The following ZNF578 variants were observed in gnomAD, a reference collection of about 807,000 sequenced individuals.
The protein encoded by ZNF578 is Putative chemokine-related protein B42.
In ZNF578, 8 loss-of-function variants were observed where a neutral mutation model predicts 8.3. The observed-to-expected ratio is 0.96, with a 90% CI of 0.56 to 1.74. ZNF578 has a LOEUF of 1.74. Among genes scored for constraint, ZNF578 ranks in the 40% most tolerant of loss-of-function variants. ZNF578 has a pLI of 0.00. For missense variants in ZNF578, 726 were observed against 707.5 expected, an observed-to-expected ratio of 1.03 and a Z score of -0.30; for synonymous variants, 206 against 232.2, an observed-to-expected ratio of 0.89 and a Z score of 1.03.
At chr19:52,462,090 A>G (rs4802953) in intron 2 of ZNF578, among the ~76,000 whole-genome samples, 137,084 of 152,208 alleles carry the variant, frequency 0.9, 62,280 homozygotes, top group Non-Finnish European at 0.96. Flanking sequence ...GTAGCACACC[A>G]TGATCAGCAA....
chr19:52,492,307 C>T (rs1056286018), intron 3 of ZNF578, among the ~76,000 whole-genome samples: 3 of 152,112 alleles, frequency 2.0e-5, no homozygotes, highest in Non-Finnish European at 4.4e-5. Context: ...TAGCTGGGAC[C>T]TCAGGCTTCC....
intron 2 of ZNF578, among the ~76,000 whole-genome samples, chr19:52,491,077 C>T (rs2059363502): frequency 6.6e-6 from 1 of 152,106 alleles, no homozygotes; most frequent in African/African-American, 2.4e-5. Context: ...TTTAGGCTTA[C>T]ACATGTTTGT....
Position 52,511,125 on chromosome 19 carries a change from A to G in ZNF578, c.744A>G (p.Lys248=), listed in dbSNP as rs765034960. ...EAFNCSSFVR[K]HQIIHLGEKQ... is the part of the protein sequence containing the mutation. ...TTAATTGTAGCTCATTTGTAAGGAA[A>G]CATCAGATAATCCATTTAGGAGAAA... Residue 248 remains lysine (K), a synonymous_variant, in exon 6 of 6, where the codon AAA becomes AAG. Coordinates refer to ENST00000421239, the MANE Select transcript of ZNF578 (RefSeq NM_001099694.2). The G allele has an allele frequency of 4.3e-6, 7 of 1,614,112 alleles. No individual in the cohort carries two copies. The highest frequency in any genetic ancestry group is 5.9e-6 in the Non-Finnish European group (7 of 1,179,936).
chr19:52,487,682 G>C (rs967931449), intron 2 of ZNF578, among the ~76,000 whole-genome samples: 9 of 152,122 alleles, frequency 5.9e-5, no homozygotes, highest in Admixed American at 5.9e-4. Flanking sequence ...CCAGGCTGGA[G>C]TGCAGTGCGT....
chr19:52,491,577 T>C (rs547127968), intron 3 of ZNF578, among the ~76,000 whole-genome samples, 152 bp downstream of exon 3: 1 of 152,288 alleles, frequency 6.6e-6, no homozygotes, highest in Non-Finnish European at 1.5e-5. Context: ...TAGCTGGGCA[T>C]GGTCGTGTGC....
Position 52,513,384 on chromosome 19 carries a change from T to G in ZNF578, c.*1230T>G, listed in dbSNP as rs1355626004. ...TTTGAGATAGTACTTTTTAAAGAGA[T>G]AGTACTTTTTTGAGATAGTACTTTT... is the stretch of plus-strand genomic sequence containing the variant. On this transcript the variant is annotated 3_prime_UTR_variant, in exon 6 of 6. Coordinates refer to ENST00000421239, the MANE Select transcript of ZNF578 (RefSeq NM_001099694.2). Among the ~76,000 whole-genome samples, 1 of 141,600 alleles carries G rather than the reference T, an allele frequency of 7.1e-6. No individual in the cohort carries two copies. The highest frequency in any genetic ancestry group is 7.6e-5 in the Admixed American group (1 of 13,228). 92.9% of individuals were successfully genotyped at this position (141,600 alleles called of 152,430 possible).
Position 52,458,472 on chromosome 19 carries a change from A to C in ZNF578, c.-122+1514A>C, listed in dbSNP as rs182253592. 3.3e-4 allele frequency: 48 copies of C among 144,302 alleles called. 1 individual carries two copies. The highest frequency in any genetic ancestry group is 1.1e-3 in the African/African-American group (43 of 37,846). The allele number at this position is 144,302 out of a possible 1,614,324, so 8.9% of individuals were successfully genotyped here. On this transcript the variant is annotated intron_variant, in intron 2 of 5. Coordinates refer to ENST00000421239, the MANE Select transcript of ZNF578 (RefSeq NM_001099694.2). ...AACAACAACTTGCTACTATGTTTATATATATATATATTTTGAAAATCTGGG... is the reference window on the plus strand; with the variant it reads ...AACAACAACTTGCTACTATGTTTATCTATATATATATTTTGAAAATCTGGG...
At chr19:52,459,711 A>ATGTGTGTG (rs1331070098) in intron 2 of ZNF578, among the ~76,000 whole-genome samples, 6 of 5,928 alleles carry the variant, frequency 1.0e-3, no homozygotes, top group African/African-American at 4.1e-3. Flanking sequence ...GTATATGTAG[A>ATGTGTGTG]TATGTGTGTG....
intron 2 of ZNF578, among the ~76,000 whole-genome samples, chr19:52,463,984 T>G (rs2059266626): frequency 6.6e-6 from 1 of 152,246 alleles, no homozygotes; most frequent in African/African-American, 2.4e-5. Context: ...TAAATTAACT[T>G]GCCATGTAAC....
rs1187406537 is a variant in ZNF578 at position 52,515,432 on chromosome 19, A to C, written c.*3278A>C. Among the ~76,000 whole-genome samples the C allele has an allele frequency of 6.6e-6, 1 of 152,186 alleles. No individual in the cohort carries two copies. The highest frequency in any genetic ancestry group is 1.5e-5 in the Non-Finnish European group (1 of 68,042). On this transcript the variant is annotated 3_prime_UTR_variant, in exon 6 of 6. Transcript: ENST00000421239. ...AACTGTCAGGAATCAATGTCATCAG[A>C]ACCTTGCAAAAGAAGTTTCTTTAGC...
In ZNF578 at chr19:52,508,832, G is replaced by A. The variant is rs185940865; in HGVS notation, c.191-1740G>A. ...AAAAGAAATCTGATAATCGCTTTTA[G>A]CCAGTACGAACATAACTGTAGTTGT... On this transcript the variant is annotated intron_variant, in intron 5 of 5. Transcript: ENST00000421239. Among the ~76,000 whole-genome samples the A allele has an allele frequency of 2.9e-3, 431 of 147,178 alleles. 3 individuals are homozygous for A. Among genetic ancestry groups the A allele is most frequent in the African/African-American group, 8.8e-3 (356 of 40,260 alleles).
intron 2 of ZNF578, among the ~76,000 whole-genome samples, chr19:52,488,779 G>A (rs1224189960): frequency 3.3e-5 from 5 of 150,438 alleles, no homozygotes; most frequent in Non-Finnish European, 5.9e-5. Flanking sequence ...TTTAGACGCC[G>A]TCTGAAAAAA....
intron 5 of ZNF578, among the ~76,000 whole-genome samples, chr19:52,505,476 C>G (rs1167708377): frequency 1.3e-5 from 2 of 152,132 alleles, no homozygotes; most frequent in Admixed American, 1.3e-4. Context: ...AGGCCGACTG[C>G]AGTGGCACGA....
At chr19:52,493,611 A>G (rs2059374603) in intron 3 of ZNF578, among the ~76,000 whole-genome samples, 1 of 152,080 alleles carries the variant, frequency 6.6e-6, no homozygotes, top group South Asian at 2.1e-4. Flanking sequence ...AGAATTTAAC[A>G]GGGAGAGCAG....
intron 2 of ZNF578, among the ~76,000 whole-genome samples, chr19:52,465,906 C>G (rs2059273620): frequency 6.6e-6 from 1 of 152,202 alleles, no homozygotes; most frequent in Non-Finnish European, 1.5e-5. Flanking sequence ...CTCTCGGGCC[C>G]CATGGTTGGG....
intron 2 of ZNF578, among the ~76,000 whole-genome samples, chr19:52,476,381 C>A (rs1042330654): frequency 6.6e-6 from 1 of 152,112 alleles, no homozygotes; most frequent in Admixed American, 6.6e-5. Flanking sequence ...GGCCATTGAT[C>A]GACCCATACA....
At chr19:52,460,548 C>G (rs1163523955) in intron 2 of ZNF578, among the ~76,000 whole-genome samples, 2 of 152,102 alleles carry the variant, frequency 1.3e-5, no homozygotes, top group Non-Finnish European at 2.9e-5. Flanking sequence ...TCTATTAATG[C>G]CTATCAGATA....
intron 2 of ZNF578, among the ~76,000 whole-genome samples, chr19:52,489,836 T>G (rs758482221): frequency 1.9e-4 from 29 of 152,080 alleles, no homozygotes; most frequent in Non-Finnish European, 3.2e-4. Context: ...TTTTGTACTT[T>G]TAGTAGAGAT....
rs2122987269 is a variant in ZNF578 at position 52,510,740 on chromosome 19, A to G, written c.359A>G (p.Asp120Gly). 2 of 1,612,758 alleles carry G rather than the reference A, an allele frequency of 1.2e-6. No homozygotes were observed. ...IHDFEFQSQK[D>G]ERNGHEASMP... ...GACTTTGAGTTTCAGTCACAAAAAG[A>G]TGAAAGAAATGGCCATGAAGCATCC... is the stretch of plus-strand genomic sequence containing the variant. The change falls in exon 6 of 6, where the codon GAT becomes GGT. Residue 120 changes from aspartate to glycine, a missense_variant. By Grantham distance (94) the Asp-to-Gly change is moderately conservative. Transcript: ENST00000421239.
Sources: gnomAD v4.1 joint callset for allele counts (sites outside exome capture counted in the v4.1 genomes callset) on GRCh38, gnomAD v4.1.1 for gene constraint, MANE v1.5 for transcripts, NCBI Gene and HGNC (gene_info 2026-07-23, HGNC 2026-07-21) for gene names.